Variants in SUPT3H observed in about 807,000 individuals in gnomAD.
SUPT3H encodes the protein SPT3 homolog, SAGA and STAGA complex component.
Under a neutral mutation model 44.3 loss-of-function variants are expected in SUPT3H, and 44 were observed. The ratio of observed to expected loss-of-function variants is 0.99; its 90% CI spans 0.78 to 1.28. The LOEUF is 1.28. SUPT3H is among the 50% of genes most tolerant of loss of function. The pLI is 0.00. For synonymous variants in SUPT3H, 124 were observed against 125.6 expected, an observed-to-expected ratio of 0.99 and a Z score of 0.09; for missense variants, 380 against 387.1, an observed-to-expected ratio of 0.98 and a Z score of 0.15.
chr6:45,205,108 A>T (rs1049512280), intron 2 of SUPT3H, among the ~76,000 whole-genome samples: 2 of 152,152 alleles, frequency 1.3e-5, no homozygotes, highest in Non-Finnish European at 2.9e-5. Flanking sequence ...CCCATCTCTG[A>T]CTTTTGAAAT....
intron 1 of SUPT3H, among the ~76,000 whole-genome samples, chr6:45,373,885 T>C (rs1355441253): frequency 2.0e-5 from 3 of 152,208 alleles, no homozygotes; most frequent in African/African-American, 7.2e-5. Flanking sequence ...AAAAGAGAAC[T>C]GTCTTCAGTA....
At chr6:45,239,148 T>C (rs893510442) in intron 2 of SUPT3H, among the ~76,000 whole-genome samples, 1 of 152,230 alleles carries the variant, frequency 6.6e-6, no homozygotes, top group African/African-American at 2.4e-5. Flanking sequence ...ATTCTTCATA[T>C]ATGGTTTATT....
chr6:45,228,763 C>T (rs1414857005), intron 2 of SUPT3H, among the ~76,000 whole-genome samples: 1 of 152,044 alleles, frequency 6.6e-6, no homozygotes, highest in Non-Finnish European at 1.5e-5. Flanking sequence ...ATTCTCCTCC[C>T]AAAGAAGCTG....
intron 3 of SUPT3H, among the ~76,000 whole-genome samples, chr6:45,023,028 C>T (rs1238610717): frequency 6.6e-6 from 1 of 151,912 alleles, no homozygotes; most frequent in African/African-American, 2.4e-5. Context: ...AAATTTTTGC[C>T]TACTACCAGA....
chr6:44,852,392 T>C (rs1773036327), intron 10 of SUPT3H, among the ~76,000 whole-genome samples: 1 of 152,170 alleles, frequency 6.6e-6, no homozygotes, highest in Admixed American at 6.5e-5. Flanking sequence ...ACATATAATA[T>C]GGCACCTACA....
intron 2 of SUPT3H, among the ~76,000 whole-genome samples, chr6:45,161,855 T>C (rs1809036674): frequency 6.6e-6 from 1 of 152,192 alleles, no homozygotes; most frequent in African/African-American, 2.4e-5. Flanking sequence ...TTCTGTACTA[T>C]TTAATTCAAA....
chr6:44,836,783 T>C (rs1769994008), intron 10 of SUPT3H, among the ~76,000 whole-genome samples: 1 of 152,166 alleles, frequency 6.6e-6, no homozygotes, highest in South Asian at 2.1e-4. Context: ...CATTGTATTT[T>C]AGGAAAAAAA....
At chr6:44,825,188 A>G (rs1468349860), downstream of SUPT3H, among the ~76,000 whole-genome samples, 1 of 152,228 alleles carries the variant, frequency 6.6e-6, no homozygotes, top group African/African-American at 2.4e-5. Context: ...ACTTTTTAGT[A>G]TATTCATTGA....
chr6:45,176,281 A>G (rs1811833802), intron 2 of SUPT3H, among the ~76,000 whole-genome samples: 1 of 151,560 alleles, frequency 6.6e-6, no homozygotes, highest in African/African-American at 2.4e-5. Flanking sequence ...AGGGGTCAAG[A>G]ACTTCCCTTT....
At chr6:45,238,723 T>C (rs1442250478) in intron 2 of SUPT3H, among the ~76,000 whole-genome samples, 1 of 152,174 alleles carries the variant, frequency 6.6e-6, no homozygotes, top group Non-Finnish European at 1.5e-5. Context: ...TTGGATGAAA[T>C]TGCTACTATG....
chr6:44,957,891 G>A (rs1775442602), intron 7 of SUPT3H, among the ~76,000 whole-genome samples: 1 of 152,180 alleles, frequency 6.6e-6, no homozygotes, highest in Non-Finnish European at 1.5e-5. Context: ...ACCAAGTGGT[G>A]GAGATTCTTT....
intron 2 of SUPT3H, among the ~76,000 whole-genome samples, chr6:45,300,957 C>G (rs1027267007): frequency 6.6e-6 from 1 of 152,144 alleles, no homozygotes; most frequent in African/African-American, 2.4e-5. Context: ...AGAGTGAGCT[C>G]TGGAGTCTAA....
intron 10 of SUPT3H, among the ~76,000 whole-genome samples, chr6:44,884,638 A>G (rs1224514396): frequency 6.6e-6 from 1 of 152,226 alleles, no homozygotes; most frequent in Non-Finnish European, 1.5e-5. Context: ...TCAGGAGCCA[A>G]GATGGCCGAA....
chr6:45,230,660 G>GCCTATATATATATATATATATATA (rs765270979), intron 2 of SUPT3H, among the ~76,000 whole-genome samples: 81 of 51,098 alleles, frequency 1.6e-3, no homozygotes, highest in East Asian at 2.9e-3. Context: ...AATTCATTCA[G>GCCTATATATATATATATATATATA]TCTATATATA....
chr6:45,327,851 C>T (rs576181122), intron 2 of SUPT3H, among the ~76,000 whole-genome samples: 1 of 151,844 alleles, frequency 6.6e-6, no homozygotes, highest in South Asian at 2.1e-4. Context: ...TGATACAGTC[C>T]AAAGATGTGA....
intron 2 of SUPT3H, among the ~76,000 whole-genome samples, chr6:45,128,561 C>CAT (rs1463089157): frequency 4.9e-5 from 3 of 60,718 alleles, no homozygotes; most frequent in African/African-American, 2.6e-4. Flanking sequence ...TATATATACA[C>CAT]ACACACACAC....
chr6:44,856,317 G>A (rs1041537068), intron 10 of SUPT3H, among the ~76,000 whole-genome samples: 4 of 152,244 alleles, frequency 2.6e-5, no homozygotes, highest in African/African-American at 9.6e-5. Flanking sequence ...CCTCAGAGAC[G>A]ACACACTAAT....
chr6:44,860,354 T>C (rs1298735976), intron 10 of SUPT3H, among the ~76,000 whole-genome samples: 1 of 152,180 alleles, frequency 6.6e-6, no homozygotes, highest in Non-Finnish European at 1.5e-5. Context: ...AATGAGAGCT[T>C]GCAGCAGTCT....
intron 10 of SUPT3H, among the ~76,000 whole-genome samples, chr6:44,830,236 T>C (rs1768391385): frequency 6.6e-6 from 1 of 152,218 alleles, no homozygotes; most frequent in Non-Finnish European, 1.5e-5. Context: ...CTTAATAGTC[T>C]ATAAATTACT....
Sources: allele counts gnomAD v4.1 joint callset (sites outside exome capture counted in the v4.1 genomes callset), GRCh38; gene constraint gnomAD v4.1.1; transcripts MANE v1.5; gene names NCBI Gene and HGNC (gene_info 2026-07-23, HGNC 2026-07-21).